Variants in DLGAP2 observed in about 807,000 individuals in gnomAD.
DLGAP2 encodes DLG associated protein 2.
DLGAP2 carries 26 observed loss-of-function variants against 100.3 expected under a neutral mutation model. The observed-to-expected ratio is 0.26, with a 90% CI of 0.19 to 0.36. DLGAP2 has a LOEUF of 0.36. Among genes scored for constraint, DLGAP2 ranks in the 10% least tolerant of loss-of-function variants. DLGAP2 has a pLI of 1.00. For synonymous variants in DLGAP2, 886 were observed against 630.1 expected, an observed-to-expected ratio of 1.41 and a Z score of -6.08; for missense variants, 1,858 against 1,453.2, an observed-to-expected ratio of 1.28 and a Z score of -4.53.
chr8:1,473,282 C>T lies in DLGAP2; in HGVS notation c.107-28084C>T, dbSNP rs540166562. On this transcript the variant is annotated intron_variant, in intron 3 of 14. Transcript: ENST00000637795. The stretch of plus-strand genomic sequence containing the variant: ...ATAATCACCAAAAACCTGTAACCAC[C>T]CAATGCCCTTCAGGGGCTGAGTAGA... Among the ~76,000 whole-genome samples, 120 of 152,248 alleles carry T rather than the reference C, an allele frequency of 7.9e-4. 1 individual carries two copies. The highest frequency in any genetic ancestry group is 2.6e-3 in the African/African-American group (108 of 41,528).
intron 3 of DLGAP2, among the ~76,000 whole-genome samples, chr8:1,325,887 C>A (rs1285565148): frequency 6.6e-6 from 1 of 152,156 alleles, no homozygotes; most frequent in African/African-American, 2.4e-5. Context: ...TTTTGATCTC[C>A]TTTTTCTATT....
At chr8:811,821 G>A (rs1478719115) in intron 1 of DLGAP2, among the ~76,000 whole-genome samples, 2 of 152,266 alleles carry the variant, frequency 1.3e-5, no homozygotes, top group Non-Finnish European at 2.9e-5. Flanking sequence ...GATATAAGGG[G>A]AAGAAAATAA....
chr8:1,194,901 T>G (rs1331312049), intron 2 of DLGAP2, among the ~76,000 whole-genome samples: 1 of 152,252 alleles, frequency 6.6e-6, no homozygotes, highest in Non-Finnish European at 1.5e-5. Flanking sequence ...CACGCTTTGC[T>G]GCTGAGACCA....
intron 12 of DLGAP2, among the ~76,000 whole-genome samples, chr8:1,686,408 C>T (rs1234841059): frequency 1.3e-5 from 2 of 152,180 alleles, no homozygotes; most frequent in East Asian, 1.9e-4. Flanking sequence ...TGGCTCATGC[C>T]TGTAATCCCA....
At chr8:1,234,177 G>T (rs1311377456) in intron 2 of DLGAP2, among the ~76,000 whole-genome samples, 1 of 152,234 alleles carries the variant, frequency 6.6e-6, no homozygotes, top group Non-Finnish European at 1.5e-5. Context: ...AAAGTCCTGT[G>T]CGGCTGTTGT....
intron 2 of DLGAP2, among the ~76,000 whole-genome samples, chr8:1,023,857 A>ATATGTGTGTGTGTGTGTGTGTG (rs772678610): frequency 1.2e-4 from 15 of 128,942 alleles, no homozygotes; most frequent in Admixed American, 3.3e-4. Context: ...AACTTTATAT[A>ATATGTGTGTGTGTGTGTGTGTG]TGTGTGTGTG....
At chr8:987,050 A>G (rs1264697269) in intron 2 of DLGAP2, among the ~76,000 whole-genome samples, 5 of 152,176 alleles carry the variant, frequency 3.3e-5, no homozygotes, top group Non-Finnish European at 7.3e-5. Flanking sequence ...TGGTGAAATC[A>G]GGTTCGAATT....
chr8:1,622,869 T>TTTCAGGGGGAAGAGTCAGGTGGATTTTGC (rs1269239457), intron 6 of DLGAP2, among the ~76,000 whole-genome samples: 7 of 152,170 alleles, frequency 4.6e-5, no homozygotes, highest in Non-Finnish European at 8.8e-5. Context: ...GGAGGGGGAT[T>TTTCAGGGGGAAGAGTCAGGTGGATTTTGC]TTCAGGGGGA....
At chr8:1,073,207 G>T (rs1803488729) in intron 2 of DLGAP2, among the ~76,000 whole-genome samples, 1 of 152,134 alleles carries the variant, frequency 6.6e-6, no homozygotes, top group Non-Finnish European at 1.5e-5. Flanking sequence ...AAACATTTGA[G>T]ATCATCTTTC....
chr8:1,138,983 C>T lies in DLGAP2; in HGVS notation c.74-119868C>T, dbSNP rs567394198. ...GTTTATTTACTGGTTCTGGCCTGTG[C>T]GGCTGGTGGGAAACGTTCACCCTGC... is the stretch of plus-strand genomic sequence containing the variant. On this transcript the variant is annotated intron_variant, in intron 2 of 14. Coordinates refer to ENST00000637795, the MANE Select transcript of DLGAP2 (RefSeq NM_001346810.2). Among the ~76,000 whole-genome samples, 41 of 152,334 alleles carry T rather than the reference C, an allele frequency of 2.7e-4. 1 individual carries two copies. In the South Asian group the frequency reaches 3.9e-3, roughly 15 times the overall value.
intron 2 of DLGAP2, among the ~76,000 whole-genome samples, chr8:1,074,310 G>A (rs938676990): frequency 6.6e-6 from 1 of 151,990 alleles, no homozygotes; most frequent in African/African-American, 2.4e-5. Context: ...CACTGTCACA[G>A]AAGGGTTTGC....
intron 3 of DLGAP2, among the ~76,000 whole-genome samples, chr8:1,308,036 C>G (rs969538992): frequency 6.6e-6 from 1 of 152,068 alleles, no homozygotes; most frequent in African/African-American, 2.4e-5. Context: ...AAAAAGAACC[C>G]ATGTACATGG....
chr8:1,335,600 T>C (rs1273090900), intron 3 of DLGAP2, among the ~76,000 whole-genome samples: 1 of 151,706 alleles, frequency 6.6e-6, no homozygotes, highest in African/African-American at 2.4e-5. Flanking sequence ...TGGGTGGAAG[T>C]TTCTGGAAGC....
chr8:1,337,441 A>ATGG (rs1801311991), intron 3 of DLGAP2, among the ~76,000 whole-genome samples: 1 of 922 alleles, frequency 1.1e-3, no homozygotes, highest in Non-Finnish European at 1.8e-3. Flanking sequence ...GGTGATGATG[A>ATGG]TGATGGTGAT....
At chr8:1,170,516 A>C (rs560406419) in intron 2 of DLGAP2, among the ~76,000 whole-genome samples, 3 of 150,348 alleles carry the variant, frequency 2.0e-5, no homozygotes, top group African/African-American at 7.4e-5. Flanking sequence ...CTGGTCCTGG[A>C]CTCTTTTTGG....
chr8:1,157,813 G>C (rs1344457649), intron 2 of DLGAP2, among the ~76,000 whole-genome samples: 1 of 152,190 alleles, frequency 6.6e-6, no homozygotes, highest in Non-Finnish European at 1.5e-5. Context: ...TCGGAGGGAG[G>C]CGATGAGGGC....
chr8:1,101,218 G>A (rs1029464079), intron 2 of DLGAP2, among the ~76,000 whole-genome samples: 7 of 152,148 alleles, frequency 4.6e-5, no homozygotes, highest in Admixed American at 6.5e-5. Context: ...AAGAACTGCC[G>A]AATGGAACTG....
At chr8:863,637 C>T (rs545560027) in intron 1 of DLGAP2, among the ~76,000 whole-genome samples, 116 of 152,262 alleles carry the variant, frequency 7.6e-4, no homozygotes, top group Admixed American at 1.8e-3. Flanking sequence ...CTCAGCACCG[C>T]GGATCATCGG....
At chr8:1,454,706 G>A (rs777433472) in intron 3 of DLGAP2, among the ~76,000 whole-genome samples, 3 of 152,208 alleles carry the variant, frequency 2.0e-5, no homozygotes, top group Non-Finnish European at 4.4e-5. Flanking sequence ...TTCAGCTTGA[G>A]GGCTGAGATA....
Sources: allele counts gnomAD v4.1 joint callset (sites outside exome capture counted in the v4.1 genomes callset), GRCh38; gene constraint gnomAD v4.1.1; transcripts MANE v1.5; gene names NCBI Gene and HGNC (gene_info 2026-07-23, HGNC 2026-07-21).